COG8: variants seen among roughly 807,000 people sequenced by gnomAD.
COG8 encodes the protein conserved oligomeric Golgi complex subunit 8.
Under a neutral mutation model 46.5 loss-of-function variants are expected in COG8, and 45 were observed. The ratio of observed to expected loss-of-function variants is 0.97; its 90% confidence interval spans 0.76 to 1.24. The LOEUF (loss-of-function observed/expected upper bound fraction) is 1.24. Ranked by LOEUF, COG8 falls within the 50% of genes most tolerant of loss-of-function variation. The pLI is 0.00. For synonymous variants in COG8, 407 were observed against 347.8 expected (o/e 1.17, Z -1.90); for missense variants, 793 against 820.8 (o/e 0.97, Z 0.41).
intron 5 of COG8, among the ~76,000 whole-genome samples, chr16:69,329,803 G>A (rs1965728277): frequency 6.6e-6 from 1 of 152,214 alleles, no homozygotes; most frequent in South Asian, 2.1e-4. Flanking sequence ...ACCTCTCCTC[G>A]CCCCTGCGTC....
At chr16:69,332,044 G>C (rs373606704) in intron 4 of COG8, among the ~76,000 whole-genome samples, 1 of 151,954 alleles carries the variant, frequency 6.6e-6, no homozygotes, top group African/African-American at 2.4e-5. Context: ...GGACAAGGAC[G>C]TGAAAGTGAA....
intron 5 of COG8, 59 bp from the exon 6 acceptor site, chr16:69,329,238 C>T: frequency 6.8e-7 from 1 of 1,466,962 alleles, no homozygotes. Flanking sequence ...CATCCTCAAC[C>T]TCCCTACCCC....
chr16:69,328,901 G>C lies in COG8; in HGVS notation c.*305C>G. ...CCTCCAGCTCAGTCTGCCATGCCTT[G>C]GCAATCCAGTTTCCTGTCATATGCG... On this transcript the variant is annotated 3_prime_UTR_variant, in exon 6 of 6. Transcript: ENST00000306875. 7.6e-7 allele frequency: 1 copy of C among 1,308,906 alleles called. No homozygotes were observed. Among genetic ancestry groups the C allele is most frequent in the Non-Finnish European group, 1.0e-6 (1 of 961,032 alleles). 81.1% of individuals were successfully genotyped at this position (1,308,906 alleles called of 1,614,324 possible).
At chr16:69,337,920 A>G (rs1197285030) in intron 1 of COG8, among the ~76,000 whole-genome samples, 2 of 152,048 alleles carry the variant, frequency 1.3e-5, no homozygotes, top group South Asian at 2.1e-4. Context: ...TTTAGTAGAC[A>G]TGGGGGTTTC....
chr16:69,336,516 G>C lies in COG8; in HGVS notation c.574C>G (p.Pro192Ala). The stretch of plus-strand genomic sequence containing the variant: ...GGCAAGGTGGCTACCTGGATGACAG[G>C]GATGGAAGAGTATTTCCTCTCCAGT... The part of the protein sequence containing the change: ...RRLERKYSSI[P>A]VIQGIVNEVR... The change falls in exon 2 of 6, where the codon CCT becomes GCT. Residue 192 changes from proline (P) to alanine (A), a missense_variant. Transcript: ENST00000306875. 6.2e-7 allele frequency: 1 copy of C among 1,614,072 alleles called. No individual in the cohort carries two copies. The highest frequency in any genetic ancestry group is 8.5e-7 in the Non-Finnish European group (1 of 1,179,996).
chr16:69,331,453 C>CAAAAA (rs1185929938), intron 4 of COG8, among the ~76,000 whole-genome samples: 44 of 61,198 alleles, frequency 7.2e-4, no homozygotes, highest in South Asian at 2.0e-3. Flanking sequence ...AACTCCGTCT[C>CAAAAA]AAAAAAAAAA....
Position 69,327,207 on chromosome 16 carries a change from G to A in COG8, c.*1999C>T, listed in dbSNP as rs1031502201. On this transcript the variant is annotated 3_prime_UTR_variant, in exon 6 of 6. Coordinates refer to ENST00000306875, the MANE Select transcript of COG8 (RefSeq NM_032382.5). ...TTTTGAGACAGAGCCTTGGTCTGTCGCCCAGGCTGGAGTACAGTGGCGAGA... is the reference window on the plus strand; with the variant it reads ...TTTTGAGACAGAGCCTTGGTCTGTCACCCAGGCTGGAGTACAGTGGCGAGA... 1.6e-5 allele frequency: 2 copies of A among 124,174 alleles called. No individual in the cohort carries two copies. The highest frequency in any genetic ancestry group is 3.1e-5 in the African/African-American group (1 of 31,884). 7.7% of individuals were successfully genotyped at this position (124,174 alleles called of 1,614,324 possible).
At chr16:69,332,960 A>C in intron 3 of COG8, 78 bp from the exon 4 acceptor site, 1 of 1,348,132 alleles carries the variant, frequency 7.4e-7, no homozygotes. Context: ...TAGGCAAAAA[A>C]ATGTATGCCC....
chr16:69,339,153 CT>C, intron 1 of COG8, 22 bp downstream of exon 1: 1 of 1,612,870 alleles, frequency 6.2e-7, no homozygotes, highest in Non-Finnish European at 8.5e-7. Flanking sequence ...TATAAAACCC[CT>C]TTAGCGCCAG....
intron 4 of COG8, among the ~76,000 whole-genome samples, chr16:69,331,877 TAACGG>T (rs1329046891): frequency 6.6e-6 from 1 of 152,132 alleles, no homozygotes; most frequent in Non-Finnish European, 1.5e-5. Flanking sequence ...AAGCAGAACG[TAACGG>T]AACAGCAGTG....
At chr16:69,338,804 A>T (rs149269211) in intron 1 of COG8, among the ~76,000 whole-genome samples, 3,202 of 152,298 alleles carry the variant, frequency 0.021, 121 homozygotes, top group African/African-American at 0.072. Context: ...CCCAGCCAAC[A>T]TGCTGAAACC....
Position 69,330,778 on chromosome 16 carries a change from A to G in COG8, c.*26+35T>C, listed in dbSNP as rs1286914923. ...CGCCCCGGACCTTCCAGGGCGAGGCAGTCCTGGCCACCCCGCGCCGGGAAC... is the reference window on the plus strand; with the variant it reads ...CGCCCCGGACCTTCCAGGGCGAGGCGGTCCTGGCCACCCCGCGCCGGGAAC... On this transcript the variant is annotated intron_variant, in intron 5 of 5. Transcript: ENST00000306875. 2.0e-6 allele frequency: 3 copies of G among 1,484,886 alleles called. No individual in the cohort carries two copies. In the Admixed American group the frequency reaches 7.0e-5, roughly 34 times the overall value. The allele number at this position is 1,484,886 out of a possible 1,614,324, so 92.0% of individuals were successfully genotyped here.
At chr16:69,335,598 C>G (rs1254331509) in intron 2 of COG8, among the ~76,000 whole-genome samples, 1 of 152,112 alleles carries the variant, frequency 6.6e-6, no homozygotes, top group South Asian at 2.1e-4. Flanking sequence ...AGGCAGGTCA[C>G]TTGAGGTCAG....
At chr16:69,330,536 G>A (rs960880193) in intron 5 of COG8, 4 of 1,478,410 alleles carry the variant, frequency 2.7e-6, no homozygotes, top group African/African-American at 2.9e-5. Flanking sequence ...CGCCCACAGT[G>A]GCCAAAGACT....
rs1462994713 is a variant in COG8, at chr16:69,336,562, C to T, written c.528G>A (p.Glu176=). 6.2e-7 allele frequency: 1 copy of T among 1,614,190 alleles called. No homozygotes were observed. The highest frequency in any genetic ancestry group is 1.1e-5 in the South Asian group (1 of 91,080). ...CCAGTCGGCGTACGTAGGCTGCAAG[C>T]TCCAGGGCCTCTTCATAATAACTGT... ...VRNSYYEEAL[E]LAAYVRRLER... Residue 176 remains glutamate, a synonymous_variant, in exon 2 of 6, where the codon GAG becomes GAA. Transcript: ENST00000306875.
rs1172324284 is a variant in COG8 at position 69,330,552 on chromosome 16, C to A, written c.*26+261G>T. ...GCCCACAGTGGCCAAAGACTCAGCGCGCCCCACAGCCGGGCCATGGCGGCC... is the reference window on the plus strand; with the variant it reads ...GCCCACAGTGGCCAAAGACTCAGCGAGCCCCACAGCCGGGCCATGGCGGCC... On this transcript the variant is annotated intron_variant, in intron 5 of 5. Transcript: ENST00000306875. 5 of 1,469,598 alleles carry A rather than the reference C, an allele frequency of 3.4e-6. No homozygotes were observed. The Admixed American group carries it at 7.5e-5, about 22-fold the overall frequency. 91.0% of individuals were successfully genotyped at this position (1,469,598 alleles called of 1,614,324 possible).
intron 5 of COG8, chr16:69,329,902 C>A: frequency 7.3e-7 from 1 of 1,371,418 alleles, no homozygotes; most frequent in Non-Finnish European, 9.5e-7. Flanking sequence ...GCGGGAGGTC[C>A]GGCGTATGAA....
rs985218991 is a variant in COG8 at position 69,339,454 on chromosome 16, G to A, written c.99C>T (p.Asp33=). ...CGCGCCACTGGGCCTCGGGGAAGCGGTCCCGGAACAGCGACGCCAGGAGCC... is the reference window on the plus strand; with the variant it reads ...CGCGCCACTGGGCCTCGGGGAAGCGATCCCGGAACAGCGACGCCAGGAGCC... ...DEGLLASLFR[D]RFPEAQWRER... The change falls in exon 1 of 6, where the codon GAC becomes GAT. Residue 33 remains aspartate, a synonymous_variant. Transcript: ENST00000306875. 2 of 1,596,894 alleles carry A rather than the reference G, an allele frequency of 1.3e-6. No individual in the cohort carries two copies. Among genetic ancestry groups the A allele is most frequent in the Non-Finnish European group, 8.5e-7 (1 of 1,177,036 alleles).
chr16:69,331,116 G>A (rs2011795914), intron 4 of COG8, 21 bp from the exon 5 acceptor site: 1 of 1,613,158 alleles, frequency 6.2e-7, no homozygotes, highest in Non-Finnish European at 8.5e-7. Flanking sequence ...CGTGGGGAAA[G>A]CAAAATGGAA....
Sources: allele counts gnomAD v4.1 joint callset (sites outside exome capture counted in the v4.1 genomes callset), GRCh38; gene constraint gnomAD v4.1.1; transcripts MANE v1.5; gene names NCBI Gene and HGNC (gene_info 2026-07-23, HGNC 2026-07-21).